The following KLHL32 variants were observed in gnomAD, a reference collection of about 807,000 sequenced individuals.
KLHL32 encodes kelch like family member 32, also known as kelch-like protein 32.
A neutral mutation model predicts 64.8 loss-of-function variants in KLHL32; 35 were observed. The ratio of observed to expected loss-of-function variants is 0.54; its 90% CI spans 0.41 to 0.72. The LOEUF is 0.72. KLHL32 is among the 30% of genes least tolerant of loss of function. KLHL32 has a pLI of 0.00. For missense variants in KLHL32, 589 were observed against 768.5 expected, an observed-to-expected ratio of 0.77 and a Z score of 2.76; for synonymous variants, 259 against 281.0, an observed-to-expected ratio of 0.92 and a Z score of 0.78.
intron 1 of KLHL32, among the ~76,000 whole-genome samples, chr6:96,946,870 G>T (rs1189607776): frequency 6.6e-6 from 1 of 151,954 alleles, no homozygotes; most frequent in African/African-American, 2.4e-5. Context: ...GAGAAATGAT[G>T]GTAAAAGAAA....
intron 4 of KLHL32, among the ~76,000 whole-genome samples, chr6:97,053,838 G>A (rs894929808): frequency 2.0e-5 from 3 of 151,566 alleles, no homozygotes; most frequent in Non-Finnish European, 2.9e-5. Context: ...TATATACTAT[G>A]CATTCATACA....
Position 97,061,320 on chromosome 6 carries a change from G to A in KLHL32, c.313-3308G>A, listed in dbSNP as rs567765547. Among the ~76,000 whole-genome samples the A allele has an allele frequency of 9.2e-5, 14 of 152,220 alleles. No homozygotes were observed. The East Asian group carries it at 2.3e-3, about 25-fold the overall frequency. ...CCAACCTAGTTTGGCTTCTTTTAGG[G>A]TTTCCTTTCCCCCCACTTCCCCCAG... On this transcript the variant is annotated intron_variant, in intron 4 of 10. Transcript: ENST00000369261.
At chr6:96,924,449 G>A (rs1283839501), upstream of KLHL32, among the ~76,000 whole-genome samples, 1 of 147,252 alleles carries the variant, frequency 6.8e-6, no homozygotes, top group African/African-American at 2.5e-5. Context: ...GCGGGCGCGC[G>A]CTGGCAGCTC....
intron 4 of KLHL32, among the ~76,000 whole-genome samples, chr6:97,055,796 TAAAAAAAAAAA>T (rs750242567): frequency 1.2e-5 from 1 of 81,056 alleles, no homozygotes; most frequent in East Asian, 3.7e-4. Context: ...AGAACCTGTC[TAAAAAAAAAAA>T]AAAAAAAAAA....
intron 2 of KLHL32, among the ~76,000 whole-genome samples, chr6:96,974,943 G>C (rs369720132): frequency 6.6e-5 from 10 of 152,202 alleles, no homozygotes; most frequent in African/African-American, 2.4e-4. Flanking sequence ...GCCAGAATCA[G>C]GGCTTGATGG....
chr6:96,992,202 G>A (rs548011663), intron 3 of KLHL32, among the ~76,000 whole-genome samples: 196 of 152,374 alleles, frequency 1.3e-3, no homozygotes, highest in Non-Finnish European at 2.4e-3. Context: ...GCAGCTGCCG[G>A]TGTCCGGTAC....
At chr6:96,987,900 A>G (rs1220897152) in intron 3 of KLHL32, among the ~76,000 whole-genome samples, 2 of 152,198 alleles carry the variant, frequency 1.3e-5, no homozygotes, top group Admixed American at 6.6e-5. Flanking sequence ...GGCTAGCCAT[A>G]TGTAGAAAGC....
intron 6 of KLHL32, chr6:97,105,484 C>A (rs1345267954): frequency 2.1e-6 from 1 of 470,960 alleles, no homozygotes; most frequent in Non-Finnish European, 4.4e-6. Context: ...TGAGGGGAGA[C>A]TGGTGCCCTG....
At chr6:97,084,686 C>T (rs1361318090) in intron 5 of KLHL32, among the ~76,000 whole-genome samples, 2 of 152,174 alleles carry the variant, frequency 1.3e-5, no homozygotes, top group Non-Finnish European at 2.9e-5. Flanking sequence ...AGAGCGGAGT[C>T]AGTCTGTCTT....
chr6:96,981,776 A>T (rs543497846), intron 3 of KLHL32, among the ~76,000 whole-genome samples: 1 of 152,196 alleles, frequency 6.6e-6, no homozygotes, highest in South Asian at 2.1e-4. Context: ...TTTTTAAATA[A>T]TTTTTTGACT....
At chr6:97,081,315 G>T (rs1216745315) in intron 5 of KLHL32, among the ~76,000 whole-genome samples, 1 of 152,074 alleles carries the variant, frequency 6.6e-6, no homozygotes, top group Non-Finnish European at 1.5e-5. Context: ...CTGGTACTTG[G>T]CCCTGGGATG....
chr6:96,958,647 A>G (rs576141103), intron 1 of KLHL32, among the ~76,000 whole-genome samples: 1 of 149,230 alleles, frequency 6.7e-6, no homozygotes, highest in East Asian at 1.9e-4. Context: ...GCCAAGAGCT[A>G]TTGCCTGTAT....
intron 1 of KLHL32, among the ~76,000 whole-genome samples, chr6:96,963,957 T>A (rs1774152918): frequency 6.6e-6 from 1 of 152,180 alleles, no homozygotes; most frequent in Non-Finnish European, 1.5e-5. Flanking sequence ...TCAAAGGTGA[T>A]CACTCTTAAG....
At chr6:96,976,587 T>TA (rs58617373) in intron 3 of KLHL32, among the ~76,000 whole-genome samples, 26 of 151,856 alleles carry the variant, frequency 1.7e-4, no homozygotes, top group East Asian at 1.2e-3. Context: ...ATATATATAT[T>TA]TTTGTTTTGT....
chr6:96,948,291 C>T (rs1415493065), intron 1 of KLHL32, among the ~76,000 whole-genome samples: 2 of 152,088 alleles, frequency 1.3e-5, no homozygotes, highest in African/African-American at 4.8e-5. Context: ...AGTTATTTCA[C>T]CTTGTACGTC....
intron 4 of KLHL32, among the ~76,000 whole-genome samples, chr6:97,050,479 G>A (rs1227092521): frequency 2.0e-5 from 3 of 152,164 alleles, no homozygotes; most frequent in Admixed American, 6.5e-5. Flanking sequence ...GCTACCCGCA[G>A]GTAGGGCTTG....
chr6:97,046,904 C>T (rs1443467503), intron 4 of KLHL32, among the ~76,000 whole-genome samples: 2 of 152,154 alleles, frequency 1.3e-5, no homozygotes, highest in Non-Finnish European at 2.9e-5. Flanking sequence ...GGGTTAACAT[C>T]GAGTGTATCT....
intron 6 of KLHL32, among the ~76,000 whole-genome samples, chr6:97,085,745 A>G (rs1582976250): frequency 6.6e-6 from 1 of 152,234 alleles, no homozygotes; most frequent in Non-Finnish European, 1.5e-5. Flanking sequence ...CTTTGCTGTA[A>G]ACAATTCAGA....
chr6:96,915,670 G>A, the KLHL32 span, among the ~76,000 whole-genome samples: 3 of 151,966 alleles, frequency 2.0e-5, no homozygotes, highest in African/African-American at 7.2e-5. Flanking sequence ...AAAAAGGGAT[G>A]GATAATACTC....
Sources: allele counts gnomAD v4.1 joint callset (sites outside exome capture counted in the v4.1 genomes callset), GRCh38; gene constraint gnomAD v4.1.1; transcripts MANE v1.5; gene names NCBI Gene and HGNC (gene_info 2026-07-23, HGNC 2026-07-21).